Variants in CELF2 observed in about 807,000 individuals in gnomAD.
The protein encoded by CELF2 is CUGBP Elav-like family member 2.
A neutral mutation model predicts 62.6 loss-of-function variants in CELF2; 8 were observed. The ratio of observed to expected loss-of-function variants is 0.13; its 90% CI spans 0.07 to 0.23. The LOEUF (loss-of-function observed/expected upper bound fraction) is 0.23. CELF2 is among the 10% of genes least tolerant of loss of function. CELF2 has a pLI of 1.00. For missense variants in CELF2, 333 were observed against 671.0 expected (o/e 0.50, Z 5.56); for synonymous variants, 258 against 250.0 (o/e 1.03, Z -0.30).
At chr10:11,203,904 C>A (rs953389225) in intron 2 of CELF2, among the ~76,000 whole-genome samples, 1 of 152,142 alleles carries the variant, frequency 6.6e-6, no homozygotes, top group Non-Finnish European at 1.5e-5. Context: ...AAACAGATTG[C>A]GGTGTTGTGT....
At chr10:10,694,957 T>C in the CELF2 span, among the ~76,000 whole-genome samples, 1 of 151,330 alleles carries the variant, frequency 6.6e-6, no homozygotes, top group South Asian at 2.1e-4. Context: ...GGGTCTTGAC[T>C]CTTTATCCAA....
intron 1 of CELF2, among the ~76,000 whole-genome samples, chr10:10,893,064 A>G (rs1484136932): frequency 6.6e-6 from 1 of 152,240 alleles, no homozygotes; most frequent in African/African-American, 2.4e-5. Flanking sequence ...GGATAACATT[A>G]GAGCAGAACA....
At chr10:10,907,011 C>T (rs574094312) in intron 1 of CELF2, among the ~76,000 whole-genome samples, 7 of 152,256 alleles carry the variant, frequency 4.6e-5, no homozygotes, top group African/African-American at 9.6e-5. Context: ...GCCACGAGAA[C>T]GTACCTTTCT....
chr10:10,866,082 G>A (rs529597075), intron 1 of CELF2, among the ~76,000 whole-genome samples: 3 of 152,066 alleles, frequency 2.0e-5, no homozygotes, highest in African/African-American at 4.8e-5. Context: ...AGGAAGAGCC[G>A]CGGCCTGTCT....
chr10:11,041,590 A>G (rs1228403274), intron 1 of CELF2, among the ~76,000 whole-genome samples: 1 of 152,238 alleles, frequency 6.6e-6, no homozygotes, highest in Non-Finnish European at 1.5e-5. Flanking sequence ...CGTATTAACA[A>G]TATGATTTAT....
chr10:11,162,980 G>C (rs1198039617), intron 1 of CELF2, among the ~76,000 whole-genome samples: 2 of 152,172 alleles, frequency 1.3e-5, no homozygotes, highest in African/African-American at 4.8e-5. Context: ...CTCTAGATGA[G>C]AGGTCTCCAG....
chr10:10,957,993 G>A lies in CELF2; in HGVS notation c.89+37994G>A, dbSNP rs1215343221. ...GGAATGTATATGAAATCTTCACCAG[G>A]TGGAGGGTGAAGTAAGCAAATTAAA... On this transcript the variant is annotated intron_variant, in intron 2 of 13. Coordinates refer to the CELF2 transcript ENST00000636488. This position sits in a 1 kb window ranked among gnomAD's most constrained non-coding sequence, Gnocchi z 4.1. Among the ~76,000 whole-genome samples the A allele has an allele frequency of 6.6e-6, 1 of 152,198 alleles. No individual in the cohort carries two copies. Among genetic ancestry groups the A allele is most frequent in the Non-Finnish European group, 1.5e-5 (1 of 68,034 alleles).
the CELF2 span, among the ~76,000 whole-genome samples, chr10:10,706,306 ACACT>A: frequency 6.6e-6 from 1 of 152,214 alleles, no homozygotes; most frequent in Non-Finnish European, 1.5e-5. Flanking sequence ...CACTAAGTAG[ACACT>A]CACTAAAACT....
the CELF2 span, among the ~76,000 whole-genome samples, chr10:10,730,637 C>T: frequency 3.9e-5 from 6 of 152,160 alleles, no homozygotes; most frequent in Non-Finnish European, 4.4e-5. Context: ...ATATTTGCCA[C>T]GTGAAAACCA....
intron 1 of CELF2, among the ~76,000 whole-genome samples, chr10:10,915,109 G>A (rs1483777494): frequency 6.7e-6 from 1 of 148,746 alleles, no homozygotes; most frequent in African/African-American, 2.5e-5. Context: ...TCCAGCGTGG[G>A]CGACAGAGTG....
At chr10:11,160,808 CG>C (rs1217816389) in intron 1 of CELF2, among the ~76,000 whole-genome samples, 1 of 151,944 alleles carries the variant, frequency 6.6e-6, no homozygotes, top group Non-Finnish European at 1.5e-5. Flanking sequence ...TTTTAGCATT[CG>C]TATAATAATT....
At chr10:11,155,751 CT>C (rs2064238127) in intron 1 of CELF2, among the ~76,000 whole-genome samples, 1 of 152,176 alleles carries the variant, frequency 6.6e-6, no homozygotes, top group African/African-American at 2.4e-5. Flanking sequence ...GGACTGTCAA[CT>C]TTTGATTTTC....
At chr10:11,266,345 C>G (rs1211565584) in intron 5 of CELF2, among the ~76,000 whole-genome samples, 2 of 152,240 alleles carry the variant, frequency 1.3e-5, no homozygotes, top group East Asian at 3.9e-4. Context: ...ACTTCCTCCC[C>G]TAGTTTCCAT....
At chr10:10,595,856 A>G in the CELF2 span, among the ~76,000 whole-genome samples, 1 of 152,120 alleles carries the variant, frequency 6.6e-6, no homozygotes, top group African/African-American at 2.4e-5. Flanking sequence ...AGATGGCGCC[A>G]CTGCACTCCA....
At chr10:11,187,579 C>G (rs199650516) in intron 2 of CELF2, among the ~76,000 whole-genome samples, 1 of 151,448 alleles carries the variant, frequency 6.6e-6, no homozygotes, top group Non-Finnish European at 1.5e-5. Flanking sequence ...GGTCGCCCCC[C>G]CCCCAACCTG....
the CELF2 span, among the ~76,000 whole-genome samples, chr10:10,766,266 G>A: frequency 6.6e-6 from 1 of 152,200 alleles, no homozygotes; most frequent in African/African-American, 2.4e-5. Flanking sequence ...TGCCTTAGCT[G>A]AGTCCTTCAC....
chr10:11,107,697 G>C (rs117357788), intron 1 of CELF2, among the ~76,000 whole-genome samples: 1,727 of 151,882 alleles, frequency 0.011, 23 homozygotes, highest in Middle Eastern at 0.044. Flanking sequence ...CTTCTGAAAA[G>C]AAGCAGTCAA....
chr10:11,105,207 GTCC>G (rs1394248588), intron 1 of CELF2, among the ~76,000 whole-genome samples: 1 of 152,216 alleles, frequency 6.6e-6, no homozygotes, highest in Non-Finnish European at 1.5e-5. Context: ...ACCACCTGCA[GTCC>G]TAATTGAAAG....
chr10:10,891,397 A>G (rs1433626791), intron 1 of CELF2, among the ~76,000 whole-genome samples: 2 of 152,052 alleles, frequency 1.3e-5, no homozygotes, highest in Non-Finnish European at 2.9e-5. Flanking sequence ...CAAAAATCTC[A>G]AAGATTTCTC....
Sources: gnomAD v4.1 joint callset for allele counts (sites outside exome capture counted in the v4.1 genomes callset) on GRCh38, gnomAD v4.1.1 for gene constraint, Gnocchi (gnomAD v3.1) non-coding constraint, MANE v1.5 for transcripts, NCBI Gene and HGNC (gene_info 2026-07-23, HGNC 2026-07-21) for gene names.